The following SEC31A variants were observed in gnomAD, a reference collection of about 807,000 sequenced individuals.
SEC31A encodes protein transport protein Sec31A.
A neutral mutation model predicts 151.0 loss-of-function variants in SEC31A; 70 were observed. The ratio of observed to expected loss-of-function variants is 0.46; its 90% confidence interval spans 0.38 to 0.57. The LOEUF (loss-of-function observed/expected upper bound fraction) is 0.57. Ranked by LOEUF, SEC31A falls within the 20% of genes least tolerant of loss-of-function variation. The probability of loss-of-function intolerance (pLI) is 0.00; values close to 1 mark genes in which losing one functional copy is unlikely to be tolerated. For synonymous variants in SEC31A, 475 were observed against 505.9 expected (o/e 0.94, Z 0.82); for missense variants, 1,330 against 1,471.2 (o/e 0.90, Z 1.57).
intron 20 of SEC31A, 83 bp downstream of exon 20, chr4:82,848,721 G>T: frequency 8.6e-7 from 1 of 1,165,448 alleles, no homozygotes; most frequent in Non-Finnish European, 1.2e-6. Flanking sequence ...TATCAGAGAA[G>T]GTCTCCTGCT....
Position 82,842,218 on chromosome 4 carries a change from A to G in SEC31A, c.2890T>C (p.Ser964Pro). The stretch of plus-strand genomic sequence containing the variant: ...CCAGGAGGCAGTGCATAAGCTGAAG[A>G]TGATGGTGGAGCTCCTGGTCCGCCA... ...QHGGPGAPPS[S>P]SAYALPPGTT... is the part of the protein sequence containing the mutation. Residue 964 changes from serine to proline, a missense_variant, in exon 22 of 27, where the codon TCT (serine) becomes CCT (proline). By Grantham distance (74) the Ser-to-Pro change is moderately conservative (BLOSUM62 -1). Coordinates refer to ENST00000395310, the MANE Select transcript of SEC31A (RefSeq NM_001077207.4). 1 of 1,612,306 alleles carries G rather than the reference A, an allele frequency of 6.2e-7. No homozygotes were observed. The highest frequency in any genetic ancestry group is 8.5e-7 in the Non-Finnish European group (1 of 1,178,846).
chr4:82,850,886 A>G (rs1731310045), intron 19 of SEC31A, among the ~76,000 whole-genome samples: 1 of 152,222 alleles, frequency 6.6e-6, no homozygotes, highest in Non-Finnish European at 1.5e-5. Flanking sequence ...AAACAAGTAT[A>G]GTTTTGCCCA....
Position 82,844,473 on chromosome 4 carries a change from C to T in SEC31A, c.2539G>A (p.Gly847Arg), listed in dbSNP as rs191706980. Residue 847 changes from glycine to arginine, a missense_variant, in exon 21 of 27, where the codon GGA becomes AGA. Physicochemically the swap from Gly to Arg is moderately radical, Grantham distance 125 (BLOSUM62 -2). Coordinates refer to ENST00000395310, the MANE Select transcript of SEC31A (RefSeq NM_001077207.4). ...NPPPPGFIMH[G>R]NVNPNAAGQL... The stretch of plus-strand genomic sequence containing the variant: ...CCAGCAGCATTTGGATTAACATTTC[C>T]ATGCATTATGAAACCCGGAGGTGGA... The T allele has an allele frequency of 1.9e-6, 3 of 1,613,800 alleles. No homozygotes were observed. The highest frequency in any genetic ancestry group is 2.7e-5 in the African/African-American group (2 of 75,022).
chr4:82,888,782 G>A (rs1741566574), intron 1 of SEC31A, among the ~76,000 whole-genome samples: 1 of 151,710 alleles, frequency 6.6e-6, no homozygotes, highest in South Asian at 2.1e-4. Flanking sequence ...CTCAATAATT[G>A]CATTCAATTA....
Position 82,829,072 on chromosome 4 carries a change from C to T in SEC31A, c.2969-14G>A. The stretch of plus-strand genomic sequence containing the variant: ...CATTCTGAGGACCTATAACAGATAA[C>T]AGAGAATGTTTTCCTTTAGAATCCT... On this transcript the variant is annotated splice_polypyrimidine_tract_variant and intron_variant, in intron 22 of 26. Coordinates refer to ENST00000395310, the MANE Select transcript of SEC31A (RefSeq NM_001077207.4). 6.2e-7 allele frequency: 1 copy of T among 1,605,040 alleles called. No homozygotes were observed. Among genetic ancestry groups the T allele is most frequent in the Non-Finnish European group, 8.5e-7 (1 of 1,172,366 alleles).
chr4:82,845,274 A>G (rs1729812658), intron 20 of SEC31A: 7 of 1,531,148 alleles, frequency 4.6e-6, no homozygotes, highest in Non-Finnish European at 5.2e-6. Flanking sequence ...CCAGGTAGTG[A>G]CAGTAGGGGC....
At chr4:82,899,854 C>G (rs997904928) in intron 2 of SEC31A, 1 of 152,604 alleles carries the variant, frequency 6.6e-6, no homozygotes, top group African/African-American at 2.4e-5. Context: ...TCTCTGTTTT[C>G]TGTATGCTAA....
chr4:82,818,946 A>G lies in SEC31A; in HGVS notation c.*128T>C. 1 of 645,416 alleles carries G rather than the reference A, an allele frequency of 1.5e-6. No homozygotes were observed. Among genetic ancestry groups the G allele is most frequent in the South Asian group, 2.9e-5 (1 of 34,142 alleles). The allele number at this position is 645,416 out of a possible 1,614,324, so 40.0% of individuals were successfully genotyped here. The stretch of plus-strand genomic sequence containing the variant: ...CTAAGGTGAGTATATCAGCAGAAAT[A>G]GTGTAAATGCTCTTGACTGGTTGCT... On this transcript the variant is annotated 3_prime_UTR_variant, in exon 27 of 27. Transcript: ENST00000395310.
intron 8 of SEC31A, among the ~76,000 whole-genome samples, chr4:82,868,240 T>C (rs1735829375): frequency 6.6e-6 from 1 of 152,166 alleles, no homozygotes; most frequent in Non-Finnish European, 1.5e-5. Flanking sequence ...GGTTCACGCC[T>C]ATAATCCTAG....
intron 19 of SEC31A, among the ~76,000 whole-genome samples, chr4:82,849,577 G>A (rs1260431241): frequency 7.7e-6 from 1 of 130,132 alleles, no homozygotes; most frequent in Non-Finnish European, 1.5e-5. Context: ...ACATACCACT[G>A]CACTCCAGCC....
At chr4:82,824,732 A>T in intron 24 of SEC31A, 58 bp from the exon 25 acceptor site, 1 of 1,562,146 alleles carries the variant, frequency 6.4e-7, no homozygotes, top group Non-Finnish European at 8.6e-7. Context: ...TTATATACAC[A>T]ATCTTGAATC....
At position 82,880,796 on chromosome 4, in the gene SEC31A, T is replaced by C. The variant is rs774421696; in HGVS notation, c.203+3A>G. The C allele has an allele frequency of 1.9e-5, 30 of 1,607,688 alleles. No individual in the cohort carries two copies. The highest frequency in any genetic ancestry group is 2.5e-5 in the Non-Finnish European group (30 of 1,177,430). ...CACATGAATTTAAAGCTGAACCTCA[T>C]ACCTGTGAGAAGAGGAGAATGTGGC... On this transcript the variant is annotated splice_donor_region_variant and intron_variant, in intron 3 of 26. Coordinates refer to ENST00000395310, the MANE Select transcript of SEC31A (RefSeq NM_001077207.4).
intron 20 of SEC31A, 85 bp from the exon 21 acceptor site, chr4:82,844,594 T>G: frequency 7.3e-7 from 1 of 1,371,276 alleles, no homozygotes; most frequent in South Asian, 1.3e-5. Context: ...TGAAATGGAA[T>G]TCTATGTTTA....
chr4:82,872,212 G>A (rs1311566894), intron 6 of SEC31A, 126 bp from the exon 7 acceptor site: 1 of 740,226 alleles, frequency 1.4e-6, no homozygotes, highest in African/African-American at 2.0e-5. Context: ...TTTTATTTAT[G>A]ATCTATTTAT....
At chr4:82,880,315 C>G (rs965451741) in intron 3 of SEC31A, among the ~76,000 whole-genome samples, 1 of 152,148 alleles carries the variant, frequency 6.6e-6, no homozygotes, top group African/African-American at 2.4e-5. Context: ...ACTGGCCAAG[C>G]GTGATTCCTC....
intron 22 of SEC31A, among the ~76,000 whole-genome samples, chr4:82,833,105 C>T (rs1037177341): frequency 2.9e-4 from 44 of 152,282 alleles, no homozygotes; most frequent in Non-Finnish European, 5.4e-4. Context: ...CACATGCACA[C>T]GTGTGTTTAC....
intron 17 of SEC31A, 92 bp from the exon 18 acceptor site, chr4:82,853,807 A>G: frequency 1.0e-6 from 1 of 980,218 alleles, no homozygotes; most frequent in African/African-American, 1.7e-5. Flanking sequence ...AGAGGCATGG[A>G]TTAAGCTTCA....
chr4:82,862,528 T>G lies in SEC31A; in HGVS notation c.1548+6A>C. 1 of 1,612,794 alleles carries G rather than the reference T, an allele frequency of 6.2e-7. No individual in the cohort carries two copies. Among genetic ancestry groups the G allele is most frequent in the Non-Finnish European group, 8.5e-7 (1 of 1,178,928 alleles). On this transcript the variant is annotated splice_donor_region_variant and intron_variant, in intron 13 of 26. Transcript: ENST00000395310. Reference sequence around the variant, plus strand: ...AGAAGGTAGCTATTTTTAAAGGCCTTCTTACCACATTGGCTCCATCCACTT... The same window carrying G: ...AGAAGGTAGCTATTTTTAAAGGCCTGCTTACCACATTGGCTCCATCCACTT...
At chr4:82,861,751 G>T in intron 13 of SEC31A, 43 bp from the exon 14 acceptor site, 1 of 1,353,520 alleles carries the variant, frequency 7.4e-7, no homozygotes, top group Non-Finnish European at 1.0e-6. Flanking sequence ...GAAGAATGTA[G>T]TATTAAAAGG....
Sources: gnomAD v4.1 joint callset for allele counts (sites outside exome capture counted in the v4.1 genomes callset) on GRCh38, gnomAD v4.1.1 for gene constraint, MANE v1.5 for transcripts, NCBI Gene and HGNC (gene_info 2026-07-23, HGNC 2026-07-21) for gene names.